Variants in HS1BP3 observed in about 807,000 individuals in gnomAD.
The protein encoded by HS1BP3 is HCLS1-binding protein 3.
HS1BP3 carries 32 observed loss-of-function variants against 33.5 expected under a neutral mutation model. The observed-to-expected ratio is 0.95, with a 90% CI of 0.72 to 1.28. HS1BP3 has a LOEUF of 1.28. HS1BP3 is among the 50% of genes most tolerant of loss of function. HS1BP3 has a pLI of 0.00. For synonymous variants in HS1BP3, 187 were observed against 209.2 expected (o/e 0.89, Z 0.92); for missense variants, 486 against 502.3 (o/e 0.97, Z 0.31).
chr2:20,577,631 G>A (rs1213044690), intron 5 of HS1BP3, among the ~76,000 whole-genome samples: 1 of 152,170 alleles, frequency 6.6e-6, no homozygotes, highest in African/African-American at 2.4e-5. Context: ...GAGCGTAAGA[G>A]TGCCTGTCTG....
chr2:20,634,400 G>C (rs185812161), intron 4 of HS1BP3, among the ~76,000 whole-genome samples: 16 of 152,358 alleles, frequency 1.1e-4, no homozygotes, highest in Admixed American at 1.0e-3. Context: ...GCTTTCAGTG[G>C]CCCAGAATCC....
At chr2:20,612,679 T>C (rs954569935) in intron 2 of HS1BP3, among the ~76,000 whole-genome samples, 2 of 152,234 alleles carry the variant, frequency 1.3e-5, no homozygotes, top group Non-Finnish European at 2.9e-5. Context: ...TTCCATTATA[T>C]GGATTTACTG....
downstream of HS1BP3, chr2:20,591,264 C>G (rs1197141657): frequency 6.0e-6 from 1 of 167,288 alleles, no homozygotes. Flanking sequence ...AGGAAAGAGC[C>G]CTTTTGTCAT....
At chr2:20,593,679 C>T (rs1165455430) in intron 3 of HS1BP3, among the ~76,000 whole-genome samples, 1 of 152,128 alleles carries the variant, frequency 6.6e-6, no homozygotes, top group East Asian at 1.9e-4. Flanking sequence ...CTTGACCCTT[C>T]CTCCCACAAC....
chr2:20,586,667 C>T (rs1693692046), intron 5 of HS1BP3: 1 of 152,066 alleles, frequency 6.6e-6, no homozygotes, highest in Non-Finnish European at 1.5e-5. Flanking sequence ...TTCAAAGCCT[C>T]CAAAAGCAAA....
In HS1BP3 at chr2:20,624,834, G is replaced by A. The variant is rs1421111840; in HGVS notation, c.682C>T (p.Leu228Phe). The change falls in exon 5 of 7, where the codon CTC (leucine) becomes TTC (phenylalanine). Residue 228 changes from leucine to phenylalanine, a missense_variant. Leu to Phe is a conservative substitution (Grantham distance 22). Coordinates refer to ENST00000304031, the MANE Select transcript of HS1BP3 (RefSeq NM_022460.4). The part of the protein sequence containing the change: ...VAVKAKPSPR[L>F]TIFDEEVDPD... ...TCCACCTCCTCGTCAAAGATGGTGA[G>A]CCGGGGCGAGGGCTTGGCTTTCACG... The A allele has an allele frequency of 1.2e-6, 2 of 1,613,870 alleles. No individual in the cohort carries two copies. Among genetic ancestry groups the A allele is most frequent in the East Asian group, 4.5e-5 (2 of 44,874 alleles).
chr2:20,596,198 G>A (rs986738745), intron 3 of HS1BP3, among the ~76,000 whole-genome samples: 1 of 152,106 alleles, frequency 6.6e-6, no homozygotes. Context: ...GATACCTCTC[G>A]CTCCTGCCTT....
chr2:20,587,551 C>G (rs1693711545), intron 5 of HS1BP3, among the ~76,000 whole-genome samples: 1 of 152,090 alleles, frequency 6.6e-6, no homozygotes, highest in Non-Finnish European at 1.5e-5. Flanking sequence ...TTTGTGTTCA[C>G]CAATGACAGT....
At chr2:20,568,215 G>A (rs1476619787) in intron 5 of HS1BP3, among the ~76,000 whole-genome samples, 1 of 152,206 alleles carries the variant, frequency 6.6e-6, no homozygotes, top group Non-Finnish European at 1.5e-5. Context: ...GGTGCTGGGG[G>A]GTGCGGGGTA....
chr2:20,588,097 G>T (rs1286890241), downstream of HS1BP3, among the ~76,000 whole-genome samples: 1 of 151,714 alleles, frequency 6.6e-6, no homozygotes, highest in East Asian at 1.9e-4. Flanking sequence ...GGTCACCAAG[G>T]GAAGTGGACT....
chr2:20,642,883 G>A (rs1446963131), intron 2 of HS1BP3, among the ~76,000 whole-genome samples: 4 of 152,360 alleles, frequency 2.6e-5, no homozygotes, highest in East Asian at 1.9e-4. Flanking sequence ...GCCCTGTAAC[G>A]TTAGTAAGCT....
Position 20,623,908 on chromosome 2 carries a change from T to G in HS1BP3, c.908A>C (p.Lys303Thr). 6.2e-7 allele frequency: 1 copy of G among 1,612,282 alleles called. No individual in the cohort carries two copies. Among genetic ancestry groups the G allele is most frequent in the Non-Finnish European group, 8.5e-7 (1 of 1,179,864 alleles). ...GGACAGGTGGTACCTGAACAGTTCC[T>G]TGGAGGCGTCCCTGTGGCTGAGGCT... ...TPSLSHRDAS[K>T]ELFRVEEDLD... The change falls in exon 6 of 7, where the codon AAG becomes ACG. Residue 303 changes from lysine to threonine, a missense_variant. Transcript: ENST00000304031.
At chr2:20,614,854 A>G (rs1694389429), downstream of HS1BP3, among the ~76,000 whole-genome samples, 1 of 152,280 alleles carries the variant, frequency 6.6e-6, no homozygotes, top group Non-Finnish European at 1.5e-5. Context: ...TAGCCTGAGC[A>G]TGACCCGACA....
downstream of HS1BP3, among the ~76,000 whole-genome samples, chr2:20,613,415 C>A (rs960960750): frequency 1.3e-5 from 2 of 152,166 alleles, no homozygotes; most frequent in Non-Finnish European, 2.9e-5. Context: ...CAAGGGGGAG[C>A]CCCAGGACTC....
intron 2 of HS1BP3, among the ~76,000 whole-genome samples, chr2:20,608,369 G>A (rs1694244199): frequency 6.6e-6 from 1 of 152,048 alleles, no homozygotes; most frequent in South Asian, 2.1e-4. Context: ...GAGGTTGGGA[G>A]TTCGAGACCA....
intron 5 of HS1BP3, among the ~76,000 whole-genome samples, chr2:20,568,764 C>G (rs2149271713): frequency 6.6e-6 from 1 of 152,272 alleles, no homozygotes; most frequent in East Asian, 1.9e-4. Context: ...GATGGAGAAC[C>G]ATAAGACATA....
At chr2:20,592,070 T>C (rs1031598935), downstream of HS1BP3, among the ~76,000 whole-genome samples, 1 of 152,126 alleles carries the variant, frequency 6.6e-6, no homozygotes. Context: ...GCTTCTAGGC[T>C]GGGGTGAAGG....
chr2:20,566,184 C>T (rs1459359738), intron 5 of HS1BP3, among the ~76,000 whole-genome samples: 1 of 152,246 alleles, frequency 6.6e-6, no homozygotes, highest in African/African-American at 2.4e-5. Flanking sequence ...TTGGGGAGCC[C>T]TTCCTTTGGC....
intron 4 of HS1BP3, among the ~76,000 whole-genome samples, chr2:20,627,336 C>T (rs1694817414): frequency 6.6e-6 from 1 of 152,256 alleles, no homozygotes; most frequent in African/African-American, 2.4e-5. Flanking sequence ...ATTGAACTTG[C>T]ATGTAACCAG....
Sources: gnomAD v4.1 joint callset for allele counts (sites outside exome capture counted in the v4.1 genomes callset) on GRCh38, gnomAD v4.1.1 for gene constraint, MANE v1.5 for transcripts, NCBI Gene and HGNC (gene_info 2026-07-23, HGNC 2026-07-21) for gene names.